Variants in TTC7B observed in about 807,000 individuals in gnomAD.
TTC7B encodes the protein tetratricopeptide repeat domain 7B.
TTC7B carries 28 observed loss-of-function variants against 106.8 expected under a neutral mutation model. The observed-to-expected ratio is 0.26, with a 90% CI of 0.19 to 0.36. The LOEUF (loss-of-function observed/expected upper bound fraction) is 0.36, where lower values mean the gene tolerates loss of function less well. Among genes scored for constraint, TTC7B ranks in the 10% least tolerant of loss-of-function variants. TTC7B has a pLI of 1.00. For synonymous variants in TTC7B, 405 were observed against 430.6 expected (o/e 0.94, Z 0.74); for missense variants, 862 against 1,076.4 (o/e 0.80, Z 2.79).
intron 8 of TTC7B, among the ~76,000 whole-genome samples, chr14:90,677,599 G>A (rs955718670): frequency 6.6e-6 from 1 of 152,166 alleles, no homozygotes; most frequent in African/African-American, 2.4e-5. Context: ...GAAGTCTGCA[G>A]ATCCATCTGT....
Position 90,635,677 on chromosome 14 carries a change from G to A in TTC7B, c.1751+8371C>T, listed in dbSNP as rs371136458. ...TGGGAGGCTGAGGCAGGAGGATGGC[G>A]TGAACCCAGGAGGCAGAGCTTTCAG... On this transcript the variant is annotated intron_variant, in intron 15 of 19. Coordinates refer to ENST00000328459, the MANE Select transcript of TTC7B (RefSeq NM_001010854.2). 1.0e-3 allele frequency among the ~76,000 whole-genome samples: 152 copies of A among 149,540 alleles called. 1 individual carries two copies. The East Asian group carries it at 0.026, about 26-fold the overall frequency.
At chr14:90,593,440 C>A (rs575653121) in intron 18 of TTC7B, 46 bp downstream of exon 18, 30 of 1,522,606 alleles carry the variant, frequency 2.0e-5, no homozygotes, top group Non-Finnish European at 2.7e-5. Flanking sequence ...TGGGGCGGAG[C>A]CCAGGCTCTG....
At chr14:90,569,312 C>T (rs1405501786) in intron 19 of TTC7B, among the ~76,000 whole-genome samples, 1 of 152,202 alleles carries the variant, frequency 6.6e-6, no homozygotes, top group Non-Finnish European at 1.5e-5. Context: ...AAGATCCTGC[C>T]TTGTACCGAC....
intron 16 of TTC7B, among the ~76,000 whole-genome samples, chr14:90,614,430 T>G (rs766343148): frequency 1.3e-5 from 2 of 152,242 alleles, no homozygotes; most frequent in African/African-American, 2.4e-5. Context: ...TGCTGTTTGT[T>G]GGCAAGTAAC....
At position 90,751,243 on chromosome 14, in the gene TTC7B, T is replaced by C. The variant is rs1019283403; in HGVS notation, c.446-6321A>G. On this transcript the variant is annotated intron_variant, in intron 3 of 19. Transcript: ENST00000328459. ...TGCTTTCTCACCAACCATGACCAGCTGTAAAGCATGAGTGCTAAAAGTGGC... is the reference window on the plus strand; with the variant it reads ...TGCTTTCTCACCAACCATGACCAGCCGTAAAGCATGAGTGCTAAAAGTGGC... Among the ~76,000 whole-genome samples the C allele has an allele frequency of 4.6e-5, 7 of 152,208 alleles. No homozygotes were observed. The East Asian group carries it at 1.2e-3, about 25-fold the overall frequency.
chr14:90,702,494 A>G (rs1168719917), intron 5 of TTC7B, among the ~76,000 whole-genome samples: 1 of 152,112 alleles, frequency 6.6e-6, no homozygotes, highest in Non-Finnish European at 1.5e-5. Flanking sequence ...ATTTGCCATT[A>G]TTACTTCTGT....
At chr14:90,637,519 G>T (rs1455643520) in intron 15 of TTC7B, among the ~76,000 whole-genome samples, 1 of 152,114 alleles carries the variant, frequency 6.6e-6, no homozygotes. Context: ...CTCACTTTAT[G>T]AGGCTGGGCT....
At chr14:90,754,629 T>G (rs977437660) in intron 3 of TTC7B, among the ~76,000 whole-genome samples, 2 of 152,220 alleles carry the variant, frequency 1.3e-5, no homozygotes, top group African/African-American at 4.8e-5. Flanking sequence ...ATTAAAAGTG[T>G]ACAGTTCGGT....
chr14:90,624,993 G>T lies in TTC7B; in HGVS notation c.1752-6948C>A, dbSNP rs1359626044. The stretch of plus-strand genomic sequence containing the variant: ...GCGGGGCAGCGGCTGAGGGGGCCCT[G>T]GATACCTTCCCCATCTCTTGCTGCC... On this transcript the variant is annotated intron_variant, in intron 15 of 19. Coordinates refer to ENST00000328459, the MANE Select transcript of TTC7B (RefSeq NM_001010854.2). The surrounding 1 kb of genome is among the most constrained non-coding windows in gnomAD (Gnocchi z 4.0). Among the ~76,000 whole-genome samples, 3 of 152,196 alleles carry T rather than the reference G, an allele frequency of 2.0e-5. No homozygotes were observed. The highest frequency in any genetic ancestry group is 6.5e-5 in the Admixed American group (1 of 15,286).
At chr14:90,672,194 G>T (rs905981044) in intron 9 of TTC7B, among the ~76,000 whole-genome samples, 1 of 152,198 alleles carries the variant, frequency 6.6e-6, no homozygotes, top group African/African-American at 2.4e-5. Context: ...CAAGGACAGG[G>T]TGAGAAGGAG....
At chr14:90,798,664 C>T (rs1479396502) in intron 1 of TTC7B, among the ~76,000 whole-genome samples, 3 of 136,856 alleles carry the variant, frequency 2.2e-5, no homozygotes, top group African/African-American at 8.1e-5. Context: ...GAGCTGAGAT[C>T]GTGCCACTAC....
intron 1 of TTC7B, among the ~76,000 whole-genome samples, chr14:90,790,486 G>A (rs920848366): frequency 2.0e-5 from 3 of 151,978 alleles, no homozygotes; most frequent in Non-Finnish European, 2.9e-5. Flanking sequence ...TTTGTCACTC[G>A]GTGACTTTGG....
intron 9 of TTC7B, among the ~76,000 whole-genome samples, chr14:90,673,780 T>C (rs1171471897): frequency 6.6e-6 from 1 of 152,190 alleles, no homozygotes; most frequent in African/African-American, 2.4e-5. Flanking sequence ...TATTGATCCA[T>C]GTTATAATGT....
At chr14:90,809,421 T>C (rs957758103) in intron 1 of TTC7B, among the ~76,000 whole-genome samples, 1 of 152,214 alleles carries the variant, frequency 6.6e-6, no homozygotes, top group African/African-American at 2.4e-5. Context: ...ACAGCACCAC[T>C]GCTGACAGCT....
intron 2 of TTC7B, among the ~76,000 whole-genome samples, chr14:90,784,498 A>C (rs1891320329): frequency 6.6e-6 from 1 of 152,108 alleles, no homozygotes; most frequent in East Asian, 1.9e-4. Context: ...CAGAGCTTGC[A>C]GTGAGCGAAG....
chr14:90,733,666 T>A (rs1035643571), intron 4 of TTC7B, among the ~76,000 whole-genome samples: 3 of 152,200 alleles, frequency 2.0e-5, no homozygotes, highest in African/African-American at 7.2e-5. Context: ...CAAGCGCAGC[T>A]GGCTCTGGCA....
intron 5 of TTC7B, chr14:90,699,171 G>A (rs1466234824): frequency 1.1e-5 from 5 of 455,902 alleles, no homozygotes; most frequent in South Asian, 7.7e-5. Flanking sequence ...GTTTCGTCCT[G>A]TTCTATGACT....
chr14:90,620,344 G>A (rs777994203), intron 15 of TTC7B, among the ~76,000 whole-genome samples: 8 of 152,288 alleles, frequency 5.3e-5, no homozygotes, highest in South Asian at 2.1e-4. Flanking sequence ...GATGGCAGCC[G>A]CTCAGGGTGC....
At chr14:90,815,128 TCATTTGTTCAGCCAA>T (rs2031098118) in intron 1 of TTC7B, among the ~76,000 whole-genome samples, 4 of 152,182 alleles carry the variant, frequency 2.6e-5, no homozygotes, top group Admixed American at 2.6e-4. Flanking sequence ...ACTCTTTCAT[TCATTTGTTCAGCCAA>T]CATGTGCTCA....
Sources: gnomAD v4.1 joint callset for allele counts (sites outside exome capture counted in the v4.1 genomes callset) on GRCh38, gnomAD v4.1.1 for gene constraint, Gnocchi (gnomAD v3.1) non-coding constraint, MANE v1.5 for transcripts, NCBI Gene and HGNC (gene_info 2026-07-23, HGNC 2026-07-21) for gene names.